UNC5B: variants seen among roughly 807,000 people sequenced by gnomAD.
UNC5B encodes unc-5 netrin receptor B.
UNC5B carries 56 observed loss-of-function variants against 103.7 expected under a neutral mutation model. That is an observed-to-expected ratio of 0.54 (90% CI 0.44 to 0.67). The LOEUF (loss-of-function observed/expected upper bound fraction) is 0.67. Ranked by LOEUF, UNC5B falls within the 30% of genes least tolerant of loss-of-function variation. The probability of loss-of-function intolerance (pLI) is 0.00; values close to 1 mark genes in which losing one functional copy is unlikely to be tolerated. For missense variants in UNC5B, 1,194 were observed against 1,284.5 expected (o/e 0.93, Z 1.08); for synonymous variants, 577 against 542.0 (o/e 1.06, Z -0.90).
Position 71,241,196 on chromosome 10 carries a change from C to T in UNC5B, c.79+28132C>T, listed in dbSNP as rs538644407. On this transcript the variant is annotated intron_variant, in intron 1 of 16. Transcript: ENST00000335350. ...TGGGTTTCATGTCCTAGCTCCAGAC[C>T]TCCCAGGGCTCCTGTCTTGAGACTC... Among the ~76,000 whole-genome samples, 3 of 152,272 alleles carry T rather than the reference C, an allele frequency of 2.0e-5. No homozygotes were observed. The East Asian group carries it at 5.8e-4, about 29-fold the overall frequency.
intron 1 of UNC5B, among the ~76,000 whole-genome samples, chr10:71,227,647 CATAT>C (rs1404219652): frequency 7.8e-6 from 1 of 128,194 alleles, no homozygotes; most frequent in African/African-American, 4.1e-5. Context: ...TACACATATA[CATAT>C]ATATACATAT....
chr10:71,286,826 C>T lies in UNC5B; in HGVS notation c.690C>T (p.Ile230=), dbSNP rs781650417. ...ACTATACCTGCGTGGCCAAGAACAT[C>T]GTGGCCAAACGCCGGAGCACCACTG... ...TANYTCVAKN[I]VAKRRSTTAT... Residue 230 remains isoleucine, a synonymous_variant, in exon 5 of 17, where the codon ATC becomes ATT. Transcript: ENST00000335350. 8.7e-6 allele frequency: 14 copies of T among 1,614,056 alleles called. No individual in the cohort carries two copies. Among genetic ancestry groups the T allele is most frequent in the South Asian group, 7.7e-5 (7 of 91,078 alleles).
chr10:71,228,776 A>G (rs770181178), intron 1 of UNC5B, among the ~76,000 whole-genome samples: 14 of 152,192 alleles, frequency 9.2e-5, no homozygotes, highest in Non-Finnish European at 1.6e-4. Flanking sequence ...CACCTTGGCC[A>G]TTGTGTATGC....
At chr10:71,220,671 A>G (rs1843435807) in intron 1 of UNC5B, among the ~76,000 whole-genome samples, 1 of 152,268 alleles carries the variant, frequency 6.6e-6, no homozygotes, top group South Asian at 2.1e-4. Flanking sequence ...TTGCCTTGAG[A>G]GTCTCATGAG....
At chr10:71,236,446 C>G (rs1331351620) in intron 1 of UNC5B, among the ~76,000 whole-genome samples, 1 of 152,150 alleles carries the variant, frequency 6.6e-6, no homozygotes, top group African/African-American at 2.4e-5. Flanking sequence ...GGCTGAGGAT[C>G]GGGTGGTGTG....
intron 1 of UNC5B, chr10:71,217,396 A>G (rs1388424076): frequency 6.6e-6 from 1 of 152,210 alleles, no homozygotes; most frequent in Admixed American, 6.5e-5. Flanking sequence ...AGGGTCTGCG[A>G]TCCGCCGGGG....
intron 3 of UNC5B, 38 bp downstream of exon 3, chr10:71,284,901 C>T (rs750871979): frequency 1.9e-6 from 3 of 1,550,860 alleles, no homozygotes; most frequent in African/African-American, 2.7e-5. Context: ...CCTGCAGGAA[C>T]CTTCCCCATC....
At chr10:71,258,674 A>G (rs1844346805) in intron 1 of UNC5B, among the ~76,000 whole-genome samples, 1 of 152,216 alleles carries the variant, frequency 6.6e-6, no homozygotes, top group Non-Finnish European at 1.5e-5. Flanking sequence ...CGACATCCCA[A>G]GCAGCCCTGC....
chr10:71,213,633 A>G lies in UNC5B; in HGVS notation c.79+569A>G, dbSNP rs566132987. On this transcript the variant is annotated intron_variant, in intron 1 of 16. Coordinates refer to ENST00000335350, the MANE Select transcript of UNC5B (RefSeq NM_170744.5). The surrounding 1 kb of genome is among the most constrained non-coding windows in gnomAD (Gnocchi z 4.1). ...AAGCGGGGAGGGCTAAGTCTTGCACACATAGCTTTCCCCGAGATCGCTGGG... is the reference window on the plus strand; with the variant it reads ...AAGCGGGGAGGGCTAAGTCTTGCACGCATAGCTTTCCCCGAGATCGCTGGG... Among the ~76,000 whole-genome samples, 179 of 151,794 alleles carry G rather than the reference A, an allele frequency of 1.2e-3. 2 individuals carry two copies. Among genetic ancestry groups the G allele is most frequent in the Non-Finnish European group, 1.7e-3 (118 of 68,000 alleles).
intron 1 of UNC5B, among the ~76,000 whole-genome samples, chr10:71,220,715 G>A (rs563340501): frequency 3.3e-5 from 5 of 152,304 alleles, no homozygotes; most frequent in East Asian, 1.9e-4. Context: ...CACAGTGCCC[G>A]GCACACAGTG....
intron 15 of UNC5B, 68 bp from the exon 16 acceptor site, chr10:71,297,841 G>A: frequency 6.6e-7 from 1 of 1,514,126 alleles, no homozygotes; most frequent in Non-Finnish European, 8.9e-7. Flanking sequence ...CACAGTCCAA[G>A]GGGAGGGAGG....
chr10:71,272,116 C>T (rs1844660492), intron 1 of UNC5B, among the ~76,000 whole-genome samples: 1 of 152,172 alleles, frequency 6.6e-6, no homozygotes, highest in South Asian at 2.1e-4. Flanking sequence ...CCCCAACTCT[C>T]CCCACTCCCC....
intron 1 of UNC5B, among the ~76,000 whole-genome samples, chr10:71,248,661 A>G (rs1407383440): frequency 6.6e-6 from 1 of 152,122 alleles, no homozygotes. Flanking sequence ...TAAGAATCTC[A>G]TCATTTTTCT....
intron 1 of UNC5B, among the ~76,000 whole-genome samples, chr10:71,256,940 T>C (rs755200161): frequency 6.6e-5 from 10 of 151,764 alleles, no homozygotes; most frequent in African/African-American, 9.7e-5. Flanking sequence ...TTGGGCAGGG[T>C]GGGCAGGAGG....
At chr10:71,296,780 C>A (rs1175312954) in intron 15 of UNC5B, 38 bp downstream of exon 15, 2 of 1,586,396 alleles carry the variant, frequency 1.3e-6, no homozygotes. Flanking sequence ...AGCTGCACAC[C>A]ACACTGGCGG....
At chr10:71,251,979 T>C (rs1299293986) in intron 1 of UNC5B, among the ~76,000 whole-genome samples, 1 of 152,224 alleles carries the variant, frequency 6.6e-6, no homozygotes, top group Non-Finnish European at 1.5e-5. Flanking sequence ...AATGAAGTGC[T>C]GTGTAATGTT....
chr10:71,222,861 A>T (rs760728847), intron 1 of UNC5B, among the ~76,000 whole-genome samples: 4 of 152,264 alleles, frequency 2.6e-5, no homozygotes, highest in Non-Finnish European at 4.4e-5. Context: ...TAATGCGATC[A>T]GAGGCGTCCG....
intron 1 of UNC5B, among the ~76,000 whole-genome samples, chr10:71,244,038 CT>C (rs1212639426): frequency 2.6e-5 from 4 of 152,248 alleles, no homozygotes; most frequent in Non-Finnish European, 5.9e-5. Context: ...AGACTGTGCC[CT>C]TTGTACAAGC....
chr10:71,217,011 T>G (rs1203088267), intron 1 of UNC5B, among the ~76,000 whole-genome samples: 1 of 152,180 alleles, frequency 6.6e-6, no homozygotes. Context: ...GGCTGGGTCA[T>G]AGGCTGGGAC....
Sources: gnomAD v4.1 joint callset for allele counts (sites outside exome capture counted in the v4.1 genomes callset) on GRCh38, gnomAD v4.1.1 for gene constraint, Gnocchi (gnomAD v3.1) non-coding constraint, MANE v1.5 for transcripts, NCBI Gene and HGNC (gene_info 2026-07-23, HGNC 2026-07-21) for gene names.